Variants in PPP1R9A observed in about 807,000 individuals in gnomAD.
The protein encoded by PPP1R9A is neurabin-1.
PPP1R9A carries 59 observed loss-of-function variants against 141.9 expected under a neutral mutation model. The ratio of observed to expected loss-of-function variants is 0.42; its 90% CI spans 0.34 to 0.52. The LOEUF is 0.52. Among genes scored for constraint, PPP1R9A ranks in the 20% least tolerant of loss-of-function variants. The probability of loss-of-function intolerance (pLI) is 0.10; values close to 1 mark genes in which losing one functional copy is unlikely to be tolerated. For missense variants in PPP1R9A, 1,444 were observed against 1,611.9 expected, an observed-to-expected ratio of 0.90 and a Z score of 1.78; for synonymous variants, 500 against 569.7, an observed-to-expected ratio of 0.88 and a Z score of 1.74.
rs138936245 is a variant in PPP1R9A, at chr7:95,071,742, A to C, written c.1396-39517A>C. On this transcript the variant is annotated intron_variant, in intron 2 of 19. Coordinates refer to ENST00000433360, the MANE Select transcript of PPP1R9A (RefSeq NM_001166160.2). ...TATTTAATGTTACATTATGAAATACATTAAGGTAATTATTTTAATATAAAA... is the reference window on the plus strand; with the variant it reads ...TATTTAATGTTACATTATGAAATACCTTAAGGTAATTATTTTAATATAAAA... 1.1e-4 allele frequency among the ~76,000 whole-genome samples: 16 copies of C among 152,130 alleles called. No individual in the cohort carries two copies. In the East Asian group the frequency reaches 3.1e-3, roughly 29 times the overall value.
At chr7:95,228,784 C>A (rs960898480) in intron 8 of PPP1R9A, among the ~76,000 whole-genome samples, 1 of 152,110 alleles carries the variant, frequency 6.6e-6, no homozygotes, top group African/African-American at 2.4e-5. Context: ...ATCTTTTAAT[C>A]CAAGTTCATG....
intron 2 of PPP1R9A, among the ~76,000 whole-genome samples, chr7:95,016,191 A>G (rs1805079846): frequency 6.6e-6 from 1 of 152,120 alleles, no homozygotes; most frequent in Admixed American, 6.6e-5. Flanking sequence ...ATGACCACAG[A>G]TTTCTCATTG....
At chr7:95,039,965 G>A (rs1005916588) in intron 2 of PPP1R9A, among the ~76,000 whole-genome samples, 1 of 152,058 alleles carries the variant, frequency 6.6e-6, no homozygotes, top group African/African-American at 2.4e-5. Context: ...AATACCAACA[G>A]CCCACACCTG....
intron 4 of PPP1R9A, among the ~76,000 whole-genome samples, chr7:95,153,393 G>GT (rs1829062444): frequency 6.6e-6 from 1 of 152,156 alleles, no homozygotes; most frequent in African/African-American, 2.4e-5. Context: ...ATTCAGTTCA[G>GT]TCAAACAGTT....
At chr7:95,242,912 C>T (rs899574375) in intron 8 of PPP1R9A, among the ~76,000 whole-genome samples, 2 of 152,104 alleles carry the variant, frequency 1.3e-5, no homozygotes, top group African/African-American at 4.8e-5. Context: ...ACCTTCTATC[C>T]CTGCAGTCAG....
rs1270978725 is a variant in PPP1R9A, at chr7:95,148,571, C to T, written c.1650-13296C>T. The stretch of plus-strand genomic sequence containing the variant: ...TCAATATTTAACAACCAGCTGGGCA[C>T]AGCAGCTCATGCCTGTAAACTCAGC... On this transcript the variant is annotated intron_variant, in intron 4 of 19. Transcript: ENST00000433360. Among the ~76,000 whole-genome samples the T allele has an allele frequency of 7.3e-5, 11 of 151,116 alleles. 1 individual carries two copies. In the East Asian group the frequency reaches 2.1e-3, roughly 29 times the overall value.
intron 2 of PPP1R9A, among the ~76,000 whole-genome samples, chr7:94,915,479 A>T (rs1791958917): frequency 6.6e-6 from 1 of 152,180 alleles, no homozygotes. Flanking sequence ...ATTCTATGGG[A>T]AATTACCTTG....
chr7:95,267,121 G>T (rs1585545209), intron 12 of PPP1R9A, among the ~76,000 whole-genome samples: 1 of 152,170 alleles, frequency 6.6e-6, no homozygotes, highest in Non-Finnish European at 1.5e-5. Context: ...CAAAAATGTA[G>T]TTAATTTTGT....
At chr7:95,078,608 G>A (rs1222229562) in intron 2 of PPP1R9A, among the ~76,000 whole-genome samples, 2 of 152,158 alleles carry the variant, frequency 1.3e-5, no homozygotes, top group African/African-American at 4.8e-5. Flanking sequence ...CAGTGTAAAA[G>A]TGTTCTATTT....
chr7:95,246,967 C>G (rs1427868757), intron 8 of PPP1R9A, among the ~76,000 whole-genome samples: 2 of 152,176 alleles, frequency 1.3e-5, no homozygotes, highest in Admixed American at 1.3e-4. Context: ...TTTCCCCGTG[C>G]AACTGCAGTC....
chr7:95,124,953 C>A (rs1823305217), intron 4 of PPP1R9A, among the ~76,000 whole-genome samples: 1 of 152,042 alleles, frequency 6.6e-6, no homozygotes, highest in Non-Finnish European at 1.5e-5. Context: ...GGGTATTTAT[C>A]CTCCTGAGTT....
chr7:95,151,391 C>T (rs1828639128), intron 4 of PPP1R9A, among the ~76,000 whole-genome samples: 1 of 152,132 alleles, frequency 6.6e-6, no homozygotes. Context: ...TTTATAATTC[C>T]TATTATCTGA....
At chr7:95,140,850 A>G (rs1826544140) in intron 4 of PPP1R9A, among the ~76,000 whole-genome samples, 1 of 152,136 alleles carries the variant, frequency 6.6e-6, no homozygotes, top group Non-Finnish European at 1.5e-5. Context: ...AGTAACTGGG[A>G]CCACTGGTGC....
chr7:95,281,845 A>G lies in PPP1R9A; in HGVS notation c.3297-2173A>G, dbSNP rs567978273. On this transcript the variant is annotated intron_variant, in intron 16 of 19. Coordinates refer to ENST00000433360, the MANE Select transcript of PPP1R9A (RefSeq NM_001166160.2). ...AATATCCATATATTTAAGCACTACT[A>G]TATTTTATTGAAAATTGTGGATGAA... Among the ~76,000 whole-genome samples the G allele has an allele frequency of 7.5e-4, 114 of 152,330 alleles. 2 individuals are homozygous for G. Among genetic ancestry groups the G allele is most frequent in the South Asian group, 6.8e-3 (33 of 4,826 alleles).
intron 2 of PPP1R9A, among the ~76,000 whole-genome samples, chr7:95,101,624 C>G (rs1476672118): frequency 6.6e-6 from 1 of 152,100 alleles, no homozygotes; most frequent in East Asian, 1.9e-4. Context: ...CCCAAGGCAA[C>G]AAAGGGTAAA....
At chr7:95,279,669 G>T (rs1399418129) in intron 16 of PPP1R9A, among the ~76,000 whole-genome samples, 1 of 141,682 alleles carries the variant, frequency 7.1e-6, no homozygotes, top group Non-Finnish European at 1.5e-5. Flanking sequence ...GACTCTAAAC[G>T]TCCCAATATA....
Position 95,290,156 on chromosome 7 carries a change from GTC to G in PPP1R9A, c.3982_3983del (p.Leu1328ArgfsTer45). ...AAAAGAAACTCAAGGAAATGAAGAT[GTC>G]TCTAGAGAAGGCTCGGAAGGCCCAA... is the stretch of plus-strand genomic sequence containing the variant. ...VKKKLKEMKM[S>X]LEKARKAQEK... is the part of the protein sequence containing the mutation. On this transcript the variant is annotated frameshift_variant, in exon 20 of 20. Transcript: ENST00000433360. LOFTEE classifies it high-confidence loss of function. The G allele has an allele frequency of 6.2e-7, 1 of 1,614,078 alleles. No homozygotes were observed. Among genetic ancestry groups the G allele is most frequent in the South Asian group, 1.1e-5 (1 of 91,074 alleles).
intron 3 of PPP1R9A, among the ~76,000 whole-genome samples, chr7:95,112,472 T>G (rs1056326911): frequency 6.6e-6 from 1 of 152,088 alleles, no homozygotes; most frequent in Non-Finnish European, 1.5e-5. Flanking sequence ...GAAATGTAAA[T>G]CAGTACAATC....
At chr7:95,054,101 G>C (rs1233508777) in intron 2 of PPP1R9A, among the ~76,000 whole-genome samples, 1 of 151,372 alleles carries the variant, frequency 6.6e-6, no homozygotes, top group Non-Finnish European at 1.5e-5. Flanking sequence ...TTCCTCCAGT[G>C]GTTCCCCACT....
Sources: gnomAD v4.1 joint callset for allele counts (sites outside exome capture counted in the v4.1 genomes callset) on GRCh38, gnomAD v4.1.1 for gene constraint, MANE v1.5 for transcripts, NCBI Gene and HGNC (gene_info 2026-07-23, HGNC 2026-07-21) for gene names.